The following MTSS1 variants were observed in gnomAD, a reference collection of about 807,000 sequenced individuals.
The protein encoded by MTSS1 is protein MTSS 1.
A neutral mutation model predicts 79.0 loss-of-function variants in MTSS1; 18 were observed. That is an observed-to-expected ratio of 0.23 (90% CI 0.16 to 0.34). The LOEUF is 0.34. Among genes scored for constraint, MTSS1 ranks in the 10% least tolerant of loss-of-function variants. The pLI is 1.00. For missense variants in MTSS1, 815 were observed against 986.2 expected (o/e 0.83, Z 2.33); for synonymous variants, 341 against 368.6 (o/e 0.93, Z 0.86).
chr8:124,721,825 G>A (rs905281507), intron 1 of MTSS1, among the ~76,000 whole-genome samples: 2 of 152,172 alleles, frequency 1.3e-5, no homozygotes, highest in Non-Finnish European at 2.9e-5. Flanking sequence ...CAGAGCCCTG[G>A]CCCAGGCAGC....
intron 3 of MTSS1, among the ~76,000 whole-genome samples, chr8:124,664,477 T>G (rs1009684748): frequency 4.6e-5 from 7 of 152,126 alleles, no homozygotes; most frequent in African/African-American, 1.7e-4. Flanking sequence ...TGGGAGTATG[T>G]AGACCAGAGT....
intron 3 of MTSS1, among the ~76,000 whole-genome samples, chr8:124,627,727 C>G (rs7015124): frequency 0.37 from 55,905 of 152,070 alleles, 11,711 homozygotes; most frequent in African/African-American, 0.58. Flanking sequence ...GGAAGCTCAG[C>G]TAGGAGGGTG....
chr8:124,675,257 T>C (rs3857953), intron 3 of MTSS1, among the ~76,000 whole-genome samples: 24,122 of 152,164 alleles, frequency 0.16, 2,160 homozygotes, highest in Admixed American at 0.27. Flanking sequence ...TAAAGATGCA[T>C]AGAAAACAGG....
At chr8:124,681,286 A>G (rs1268072282) in intron 3 of MTSS1, among the ~76,000 whole-genome samples, 1 of 152,030 alleles carries the variant, frequency 6.6e-6, no homozygotes, top group South Asian at 2.1e-4. Context: ...AGAAATGCCA[A>G]CCTCAGGACT....
intron 3 of MTSS1, among the ~76,000 whole-genome samples, chr8:124,603,872 G>A (rs766716854): frequency 2.1e-4 from 32 of 152,102 alleles, no homozygotes; most frequent in Admixed American, 4.6e-4. Context: ...CATCTCAGTC[G>A]GGTGTGTCCA....
intron 6 of MTSS1, among the ~76,000 whole-genome samples, chr8:124,574,289 T>G (rs533929855): frequency 2.0e-5 from 3 of 152,338 alleles, no homozygotes; most frequent in Non-Finnish European, 4.4e-5. Flanking sequence ...CAGAGTTTTC[T>G]GGAATGAAAT....
rs574195844 is a variant in MTSS1, at chr8:124,621,701, A to G, written c.209-30466T>C. Among the ~76,000 whole-genome samples, 6 of 152,272 alleles carry G rather than the reference A, an allele frequency of 3.9e-5. No homozygotes were observed. In the East Asian group the frequency reaches 1.2e-3, roughly 29 times the overall value. ...GTAGCTGGGATTACAGGTGCACGCC[A>G]CCACACCTAGCTAGTTTTTGTATTT... On this transcript the variant is annotated intron_variant, in intron 3 of 13. Transcript: ENST00000518547.
intron 13 of MTSS1, among the ~76,000 whole-genome samples, chr8:124,554,424 A>G: frequency 6.6e-6 from 1 of 152,152 alleles, no homozygotes; most frequent in East Asian, 1.9e-4. Flanking sequence ...AGTTGTGACA[A>G]CCAGAAATGT....
chr8:124,578,875 C>T lies in MTSS1; in HGVS notation c.460+6212G>A, dbSNP rs188587793. On this transcript the variant is annotated intron_variant, in intron 6 of 13. Coordinates refer to ENST00000518547, the MANE Select transcript of MTSS1 (RefSeq NM_014751.6). ...TTACAGGCATGAGCCACCACGCCAACGCGCCCAGCCAAGCCAACTGTTAAA... is the reference window on the plus strand; with the variant it reads ...TTACAGGCATGAGCCACCACGCCAATGCGCCCAGCCAAGCCAACTGTTAAA... Among the ~76,000 whole-genome samples the T allele has an allele frequency of 2.5e-3, 387 of 152,132 alleles. 2 individuals carry two copies. The highest frequency in any genetic ancestry group is 8.9e-3 in the African/African-American group (369 of 41,530).
chr8:124,720,927 G>A (rs1018962715), intron 1 of MTSS1, among the ~76,000 whole-genome samples: 1 of 152,124 alleles, frequency 6.6e-6, no homozygotes, highest in Non-Finnish European at 1.5e-5. Context: ...CCCATTTTGC[G>A]GAAGAGGAAA....
chr8:124,665,244 A>G (rs1186061527), intron 3 of MTSS1, among the ~76,000 whole-genome samples: 2 of 152,216 alleles, frequency 1.3e-5, no homozygotes, highest in African/African-American at 4.8e-5. Flanking sequence ...AGACATTTCT[A>G]TCTTTGGAAT....
At chr8:124,559,831 C>G (rs549709620) in intron 10 of MTSS1, among the ~76,000 whole-genome samples, 3 of 152,216 alleles carry the variant, frequency 2.0e-5, no homozygotes, top group Non-Finnish European at 4.4e-5. Context: ...TCACTGTTAA[C>G]TGCAATCTCT....
intron 3 of MTSS1, among the ~76,000 whole-genome samples, chr8:124,641,709 T>C (rs1249632917): frequency 6.6e-6 from 1 of 152,200 alleles, no homozygotes; most frequent in South Asian, 2.1e-4. Flanking sequence ...TTGGCTCAAA[T>C]GGCCCCCCTA....
intron 1 of MTSS1, among the ~76,000 whole-genome samples, chr8:124,717,881 G>T (rs535375014): frequency 6.6e-6 from 1 of 152,138 alleles, no homozygotes; most frequent in Admixed American, 6.5e-5. Flanking sequence ...CACTGCTAGA[G>T]CCCAGCACTT....
chr8:124,657,466 CAG>C (rs2134294898), intron 3 of MTSS1, among the ~76,000 whole-genome samples: 1 of 138,498 alleles, frequency 7.2e-6, no homozygotes, highest in South Asian at 2.2e-4. Context: ...TTATTAAAGG[CAG>C]AGTCAGCAAA....
In MTSS1 at chr8:124,568,724, T is replaced by C. The variant is rs888984585; in HGVS notation, c.461-188A>G. 11 of 1,491,172 alleles carry C rather than the reference T, an allele frequency of 7.4e-6. No individual in the cohort carries two copies. The Admixed American group carries it at 8.5e-5, about 11-fold the overall frequency. 92.4% of individuals were successfully genotyped at this position (1,491,172 alleles called of 1,614,324 possible). On this transcript the variant is annotated intron_variant, in intron 6 of 13. Coordinates refer to ENST00000518547, the MANE Select transcript of MTSS1 (RefSeq NM_014751.6). Reference sequence around the variant, plus strand: ...AGGACCAGCCATTTCCAATTTTCAATGCCCAAAGGGCACATTTAGCCTGGC... The same window carrying C: ...AGGACCAGCCATTTCCAATTTTCAACGCCCAAAGGGCACATTTAGCCTGGC...
chr8:124,662,191 C>T (rs183917272), intron 3 of MTSS1, among the ~76,000 whole-genome samples: 21 of 152,208 alleles, frequency 1.4e-4, no homozygotes, highest in Middle Eastern at 3.4e-3. Context: ...ACAACGTCAA[C>T]GCTATAATTC....
chr8:124,681,619 C>G (rs777532708), intron 3 of MTSS1, among the ~76,000 whole-genome samples: 19 of 152,112 alleles, frequency 1.2e-4, no homozygotes, highest in Non-Finnish European at 2.5e-4. Context: ...GAAACCCCAT[C>G]TCTACCAAAA....
At chr8:124,563,908 A>G (rs559264526) in intron 9 of MTSS1, among the ~76,000 whole-genome samples, 3 of 152,308 alleles carry the variant, frequency 2.0e-5, no homozygotes, top group Non-Finnish European at 4.4e-5. Flanking sequence ...AAGCGGGTGG[A>G]TCACCTGAAG....
Sources: gnomAD v4.1 joint callset for allele counts (sites outside exome capture counted in the v4.1 genomes callset) on GRCh38, gnomAD v4.1.1 for gene constraint, MANE v1.5 for transcripts, NCBI Gene and HGNC (gene_info 2026-07-23, HGNC 2026-07-21) for gene names.